SLC35D1: variants seen among roughly 807,000 people sequenced by gnomAD.
The protein encoded by SLC35D1 is solute carrier family 35 member D1, also known as nucleotide sugar transporter SLC35D1.
A neutral mutation model predicts 46.7 loss-of-function variants in SLC35D1; 31 were observed. The ratio of observed to expected loss-of-function variants is 0.66; its 90% confidence interval spans 0.50 to 0.90. The LOEUF is 0.90. SLC35D1 is among the 40% of genes least tolerant of loss of function. The pLI is 0.00. For synonymous variants in SLC35D1, 195 were observed against 164.6 expected (o/e 1.18, Z -1.41); for missense variants, 397 against 426.2 (o/e 0.93, Z 0.60).
chr1:67,026,147 T>G (rs1381420182), intron 8 of SLC35D1, among the ~76,000 whole-genome samples: 1 of 152,164 alleles, frequency 6.6e-6, no homozygotes, highest in Non-Finnish European at 1.5e-5. Context: ...CAGCAATAGA[T>G]TCTTTGGTAG....
chr1:66,985,331 C>T, the SLC35D1 span: 6 of 985,376 alleles, frequency 6.1e-6, no homozygotes, highest in East Asian at 1.1e-4. Context: ...ATACCAATTT[C>T]TCTGAGTTTC....
In SLC35D1 at chr1:67,052,970, C is replaced by T; in HGVS notation, c.223G>A (p.Val75Ile). 6.2e-7 allele frequency: 1 copy of T among 1,614,044 alleles called. No homozygotes were observed. The highest frequency in any genetic ancestry group is 8.5e-7 in the Non-Finnish European group (1 of 1,180,040). The change falls in exon 2 of 12, where the codon GTT becomes ATT. Residue 75 changes from valine to isoleucine, a missense_variant. Transcript: ENST00000235345. ...TNYRFPSSLC[V>I]GLGQMVATVA... ...TTCCAACTAACCTGGCCAAGTCCAA[C>T]ACATAGTGAGGAGGGAAATCTACAA...
rs1271981008 is a variant in SLC35D1 at position 67,053,891 on chromosome 1, C to G, written c.123G>C (p.Leu41=). The change falls in exon 1 of 12, where the codon CTG becomes CTC. Residue 41 remains leucine, a synonymous_variant. Transcript: ENST00000235345. ...CGTAAAAGCCGGCGGCCAGCAGCTT[C>G]AGAAACACGGTCAGCGTTTCGGCCG... ...MASAETLTVF[L]KLLAAGFYGV... is the part of the protein sequence containing the mutation. 4.3e-6 allele frequency: 7 copies of G among 1,613,682 alleles called. No homozygotes were observed. Among genetic ancestry groups the G allele is most frequent in the Non-Finnish European group, 5.9e-6 (7 of 1,179,768 alleles).
At chr1:67,023,358 A>G (rs921112145) in intron 8 of SLC35D1, among the ~76,000 whole-genome samples, 25 of 152,286 alleles carry the variant, frequency 1.6e-4, no homozygotes, top group Non-Finnish European at 1.3e-4. Flanking sequence ...AGGCCATTCT[A>G]ATAAGTGGTT....
chr1:67,032,374 T>C (rs1371324106), intron 8 of SLC35D1, among the ~76,000 whole-genome samples: 1 of 152,052 alleles, frequency 6.6e-6, no homozygotes, highest in Admixed American at 6.6e-5. Flanking sequence ...GATACAGGCA[T>C]GCAATGTGTA....
intron 10 of SLC35D1, among the ~76,000 whole-genome samples, chr1:67,017,862 A>G (rs990577915): frequency 3.3e-5 from 5 of 152,214 alleles, no homozygotes; most frequent in Non-Finnish European, 7.3e-5. Flanking sequence ...CAATACATTT[A>G]AATTTACTCT....
intron 10 of SLC35D1, among the ~76,000 whole-genome samples, chr1:67,013,051 T>C (rs1212614921): frequency 2.0e-5 from 3 of 149,324 alleles, no homozygotes; most frequent in Admixed American, 6.8e-5. Flanking sequence ...TGACAATAGA[T>C]TTTAAAAGAT....
chr1:67,033,900 A>G (rs944778341), intron 8 of SLC35D1, among the ~76,000 whole-genome samples: 3 of 152,136 alleles, frequency 2.0e-5, no homozygotes, highest in African/African-American at 7.2e-5. Context: ...TTTTTTGCAT[A>G]TGTACACCCG....
Position 67,042,285 on chromosome 1 carries a change from A to G in SLC35D1, c.680T>C (p.Met227Thr), listed in dbSNP as rs755356470. ...YGLLYYNALF[M>T]ILPTLAIAYF... is the part of the protein sequence containing the mutation. ...CGCAATGGCCAGGGTGGGCAGAATC[A>G]TGAACAGTGCATTGTAATAGAGCAG... Residue 227 changes from methionine to threonine, a missense_variant, in exon 8 of 12, where the codon ATG becomes ACG. Transcript: ENST00000235345. 4.3e-6 allele frequency: 7 copies of G among 1,614,072 alleles called. No homozygotes were observed. In the African/African-American group the frequency reaches 9.3e-5, roughly 22 times the overall value.
At position 67,042,260 on chromosome 1, in the gene SLC35D1, C is replaced by T. The variant is rs142750829; in HGVS notation, c.705G>A (p.Ala235=). Residue 235 remains alanine, a synonymous_variant, in exon 8 of 12, where the codon GCG becomes GCA. Transcript: ENST00000235345. The part of the protein sequence containing the change: ...LFMILPTLAI[A]YFTGDAQKAV... ...CCTTTTGTGCATCTCCTGTGAAATA[C>T]GCAATGGCCAGGGTGGGCAGAATCA... The T allele has an allele frequency of 4.9e-5, 79 of 1,613,978 alleles. No homozygotes were observed. Among genetic ancestry groups the T allele is most frequent in the African/African-American group, 1.9e-4 (14 of 74,918 alleles).
chr1:66,973,600 C>T, the SLC35D1 span, among the ~76,000 whole-genome samples: 2 of 151,862 alleles, frequency 1.3e-5, no homozygotes, highest in Non-Finnish European at 2.9e-5. Flanking sequence ...TTTATAATTA[C>T]TTACAGATTT....
At chr1:67,034,347 T>C in intron 8 of SLC35D1, among the ~76,000 whole-genome samples, 1 of 152,250 alleles carries the variant, frequency 6.6e-6, no homozygotes, top group Non-Finnish European at 1.5e-5. Context: ...TCCATTTTCT[T>C]GTGTCCTTTT....
intron 8 of SLC35D1, among the ~76,000 whole-genome samples, chr1:67,035,113 A>T (rs946015377): frequency 1.2e-4 from 19 of 152,004 alleles, no homozygotes; most frequent in Admixed American, 8.5e-4. Flanking sequence ...CATCAGTGAC[A>T]TTGGCCTACA....
intron 10 of SLC35D1, among the ~76,000 whole-genome samples, chr1:67,013,966 G>A (rs565690447): frequency 3.9e-5 from 6 of 152,224 alleles, no homozygotes; most frequent in African/African-American, 1.2e-4. Flanking sequence ...TGGGGATGTG[G>A]GATTCAATGT....
intron 8 of SLC35D1, among the ~76,000 whole-genome samples, chr1:67,033,202 A>G (rs1668052924): frequency 1.3e-5 from 2 of 152,154 alleles, no homozygotes; most frequent in African/African-American, 4.8e-5. Flanking sequence ...AAATAGGGGT[A>G]TCTCCTCAAT....
At chr1:66,998,786 A>T (rs1667272991), downstream of SLC35D1, among the ~76,000 whole-genome samples, 1 of 152,250 alleles carries the variant, frequency 6.6e-6, no homozygotes, top group Non-Finnish European at 1.5e-5. Flanking sequence ...TACCTAGTGT[A>T]GTCAAATTCA....
intron 10 of SLC35D1, among the ~76,000 whole-genome samples, chr1:67,011,902 C>T (rs907196318): frequency 6.7e-6 from 1 of 148,472 alleles, no homozygotes; most frequent in Non-Finnish European, 1.5e-5. Context: ...TTCATTTCTT[C>T]CCCAAAATAG....
intron 10 of SLC35D1, among the ~76,000 whole-genome samples, chr1:67,017,527 G>A (rs1667710093): frequency 6.6e-6 from 1 of 152,074 alleles, no homozygotes; most frequent in African/African-American, 2.4e-5. Flanking sequence ...GGAAAAATCA[G>A]AAGTTAAATA....
intron 3 of SLC35D1, 58 bp downstream of exon 3, chr1:67,052,711 AAT>A: frequency 6.4e-7 from 1 of 1,574,380 alleles, no homozygotes; most frequent in Non-Finnish European, 8.7e-7. Flanking sequence ...GCACTGATAA[AAT>A]ATGTTAATAC....
Sources: allele counts gnomAD v4.1 joint callset (sites outside exome capture counted in the v4.1 genomes callset), GRCh38; gene constraint gnomAD v4.1.1; transcripts MANE v1.5; gene names NCBI Gene and HGNC (gene_info 2026-07-23, HGNC 2026-07-21).